Variants in TRAPPC3L observed in about 807,000 individuals in gnomAD.
The protein encoded by TRAPPC3L is trafficking protein particle complex subunit 3L.
In TRAPPC3L, 23 loss-of-function variants were observed where a neutral mutation model predicts 23.7. That is an observed-to-expected ratio of 0.97 (90% CI 0.70 to 1.37). The LOEUF (loss-of-function observed/expected upper bound fraction) is 1.37, where lower values mean the gene tolerates loss of function less well. TRAPPC3L is among the 40% of genes most tolerant of loss of function. The pLI, the probability that TRAPPC3L is intolerant of heterozygous loss-of-function variation, is 0.00. For synonymous variants in TRAPPC3L, 81 were observed against 77.9 expected, an observed-to-expected ratio of 1.04 and a Z score of -0.21; for missense variants, 212 against 216.8, an observed-to-expected ratio of 0.98 and a Z score of 0.14.
chr6:116,516,207 G>T (rs1478014705), intron 3 of TRAPPC3L: 2 of 484,982 alleles, frequency 4.1e-6, no homozygotes, highest in East Asian at 3.4e-5. Flanking sequence ...TTGCATTGGT[G>T]GAGAGGGGCT....
chr6:116,532,873 G>C (rs1004217369), intron 3 of TRAPPC3L, among the ~76,000 whole-genome samples: 4 of 152,210 alleles, frequency 2.6e-5, no homozygotes, highest in African/African-American at 9.7e-5. Flanking sequence ...TTACAAAGTT[G>C]CTTTGTCATT....
At chr6:116,533,203 T>C (rs6928392) in intron 3 of TRAPPC3L, among the ~76,000 whole-genome samples, 61,744 of 152,080 alleles carry the variant, frequency 0.41, 14,199 homozygotes, top group Middle Eastern at 0.6. Context: ...AGCAGTCAAA[T>C]AGAGACAGTA....
chr6:116,543,412 G>T lies in TRAPPC3L; in HGVS notation c.43-12C>A. On this transcript the variant is annotated splice_polypyrimidine_tract_variant and intron_variant, in intron 1 of 4. Coordinates refer to ENST00000368602, the MANE Select transcript of TRAPPC3L (RefSeq NM_001139444.3). Reference sequence around the variant, plus strand: ...AAGAGATCTTTATTCTGGAGAAAAAGGGGTAGTTTCTGGTTATAGGCAAGT... The same window carrying T: ...AAGAGATCTTTATTCTGGAGAAAAATGGGTAGTTTCTGGTTATAGGCAAGT... The T allele has an allele frequency of 1.3e-6, 2 of 1,543,516 alleles. No individual in the cohort carries two copies. Among genetic ancestry groups the T allele is most frequent in the Non-Finnish European group, 1.8e-6 (2 of 1,142,010 alleles).
intron 3 of TRAPPC3L, among the ~76,000 whole-genome samples, chr6:116,530,516 A>G (rs1296436665): frequency 6.6e-6 from 1 of 152,144 alleles, no homozygotes; most frequent in Non-Finnish European, 1.5e-5. Context: ...AATACTACCT[A>G]TTGTAGCACA....
intron 3 of TRAPPC3L, among the ~76,000 whole-genome samples, chr6:116,530,003 T>A (rs1311119294): frequency 6.6e-6 from 1 of 152,194 alleles, no homozygotes; most frequent in Non-Finnish European, 1.5e-5. Context: ...CCTCCCCATT[T>A]TATGCACAGC....
intron 3 of TRAPPC3L, chr6:116,517,978 G>A (rs563634719): frequency 6.6e-6 from 1 of 152,408 alleles, no homozygotes; most frequent in South Asian, 2.1e-4. Flanking sequence ...TGAGCCCAAA[G>A]GGGCCGTGGA....
At chr6:116,511,655 C>A in intron 3 of TRAPPC3L, 1 of 1,582,760 alleles carries the variant, frequency 6.3e-7, no homozygotes. Context: ...GCTGCTCTGC[C>A]AATAACAAAG....
At chr6:116,501,049 G>C (rs1053510052) in intron 3 of TRAPPC3L, among the ~76,000 whole-genome samples, 1 of 152,156 alleles carries the variant, frequency 6.6e-6, no homozygotes, top group Non-Finnish European at 1.5e-5. Context: ...GCCTCATGTG[G>C]GAAGTGCAAG....
chr6:116,524,877 T>C (rs1291639644), intron 3 of TRAPPC3L: 3 of 152,220 alleles, frequency 2.0e-5, no homozygotes, highest in Non-Finnish European at 4.4e-5. Context: ...CTATTGGAAT[T>C]TCATTAATTT....
intron 3 of TRAPPC3L, chr6:116,523,889 G>C (rs755820947): frequency 6.6e-6 from 1 of 152,098 alleles, no homozygotes; most frequent in Non-Finnish European, 1.5e-5. Context: ...ACAGTATTAA[G>C]AAAGGAGAAT....
chr6:116,508,985 G>A (rs537056773), intron 3 of TRAPPC3L, among the ~76,000 whole-genome samples: 7 of 150,164 alleles, frequency 4.7e-5, no homozygotes. Flanking sequence ...ATTTAGTAAA[G>A]TCTTAGTTTA....
At chr6:116,532,250 TTC>T (rs996941509) in intron 3 of TRAPPC3L, among the ~76,000 whole-genome samples, 13 of 151,140 alleles carry the variant, frequency 8.6e-5, no homozygotes, top group African/African-American at 2.9e-4. Context: ...TTCTAGTATT[TTC>T]TCTCTTTTTT....
At position 116,536,567 on chromosome 6, in the gene TRAPPC3L, G is replaced by T. The variant is rs1773106883; in HGVS notation, c.240+3796C>A. On this transcript the variant is annotated intron_variant, in intron 3 of 4. Coordinates refer to ENST00000368602, the MANE Select transcript of TRAPPC3L (RefSeq NM_001139444.3). ...CTCAGAGGGAGGGATCACTTCTCCTGTCTGGGCATAGGTTTCTTCATCTAG... is the reference window on the plus strand; with the variant it reads ...CTCAGAGGGAGGGATCACTTCTCCTTTCTGGGCATAGGTTTCTTCATCTAG... Among the ~76,000 whole-genome samples the T allele has an allele frequency of 2.0e-5, 3 of 152,198 alleles. No homozygotes were observed. The South Asian group carries it at 6.2e-4, about 31-fold the overall frequency.
At chr6:116,525,216 G>T (rs1371961342) in intron 3 of TRAPPC3L, among the ~76,000 whole-genome samples, 1 of 152,156 alleles carries the variant, frequency 6.6e-6, no homozygotes, top group Non-Finnish European at 1.5e-5. Context: ...AAATCTTACA[G>T]CCAGTGGTGT....
chr6:116,543,386 A>G lies in TRAPPC3L; in HGVS notation c.57T>C (p.Phe19=), dbSNP rs1451102438. 6.5e-7 allele frequency: 1 copy of G among 1,549,370 alleles called. No individual in the cohort carries two copies. The highest frequency in any genetic ancestry group is 8.7e-7 in the Non-Finnish European group (1 of 1,145,552). The change falls in exon 2 of 5, where the codon TTT becomes TTC. Residue 19 remains phenylalanine, a synonymous_variant. Transcript: ENST00000368602. ...PEYHKINKDL[F]VLTYGALVAQ... ...CAACCAGAGCTCCATAGGTAAGGAC[A>G]AAGAGATCTTTATTCTGGAGAAAAA...
At chr6:116,526,737 C>A (rs1772444084) in intron 3 of TRAPPC3L, among the ~76,000 whole-genome samples, 1 of 152,120 alleles carries the variant, frequency 6.6e-6, no homozygotes, top group African/African-American at 2.4e-5. Flanking sequence ...CCAGACAGAT[C>A]TTGCTTTAGA....
chr6:116,538,211 G>C, intron 3 of TRAPPC3L, among the ~76,000 whole-genome samples: 1 of 152,162 alleles, frequency 6.6e-6, no homozygotes, highest in East Asian at 1.9e-4. Flanking sequence ...GTTGCCCTCA[G>C]CGCTAATAAT....
intron 3 of TRAPPC3L, among the ~76,000 whole-genome samples, chr6:116,511,204 TTTTC>T (rs1772111795): frequency 1.8e-5 from 2 of 111,688 alleles, no homozygotes; most frequent in Non-Finnish European, 3.9e-5. Flanking sequence ...ATATATATAA[TTTTC>T]ATATGTTTTT....
At chr6:116,534,995 A>C (rs1772986760) in intron 3 of TRAPPC3L, among the ~76,000 whole-genome samples, 1 of 152,204 alleles carries the variant, frequency 6.6e-6, no homozygotes, top group Non-Finnish European at 1.5e-5. Flanking sequence ...AGTAATCATC[A>C]TATTGACATG....
Sources: gnomAD v4.1 joint callset for allele counts (sites outside exome capture counted in the v4.1 genomes callset) on GRCh38, gnomAD v4.1.1 for gene constraint, MANE v1.5 for transcripts, NCBI Gene and HGNC (gene_info 2026-07-23, HGNC 2026-07-21) for gene names.